Variants in PLPPR5 observed in about 807,000 individuals in gnomAD.
PLPPR5 encodes the protein phospholipid phosphatase-related protein type 5.
PLPPR5 carries 16 observed loss-of-function variants against 33.9 expected under a neutral mutation model. The ratio of observed to expected loss-of-function variants is 0.47; its 90% CI spans 0.32 to 0.72. PLPPR5 has a LOEUF of 0.72. PLPPR5 is among the 30% of genes least tolerant of loss of function. PLPPR5 has a pLI of 0.03. For synonymous variants in PLPPR5, 163 were observed against 150.3 expected, an observed-to-expected ratio of 1.08 and a Z score of -0.62; for missense variants, 301 against 406.7, an observed-to-expected ratio of 0.74 and a Z score of 2.23.
chr1:98,996,903 C>G (rs764107579), intron 1 of PLPPR5, among the ~76,000 whole-genome samples: 1 of 152,056 alleles, frequency 6.6e-6, no homozygotes, highest in Non-Finnish European at 1.5e-5. Context: ...ATCATTTATG[C>G]TATAAATCAA....
In PLPPR5 at chr1:98,892,149, G is replaced by A. The variant is rs765184858; in HGVS notation, c.*923C>T. 1.3e-5 allele frequency: 2 copies of A among 151,994 alleles called. No individual in the cohort carries two copies. Among genetic ancestry groups the A allele is most frequent in the Non-Finnish European group, 1.5e-5 (1 of 67,978 alleles). 9.4% of individuals were successfully genotyped at this position (151,994 alleles called of 1,614,324 possible). ...CTAGCATTTATATAATTTAAATTATGTGTCAGGGTATAGTTCTTTCCCATT... is the reference window on the plus strand; with the variant it reads ...CTAGCATTTATATAATTTAAATTATATGTCAGGGTATAGTTCTTTCCCATT... On this transcript the variant is annotated 3_prime_UTR_variant, in exon 6 of 6. Transcript: ENST00000263177.
At chr1:98,922,789 T>C (rs1570700381) in intron 3 of PLPPR5, among the ~76,000 whole-genome samples, 1 of 151,968 alleles carries the variant, frequency 6.6e-6, no homozygotes, top group Non-Finnish European at 1.5e-5. Flanking sequence ...ATCGAGACCA[T>C]CCTGGCTAAC....
At chr1:98,987,889 T>C (rs1652313928) in intron 1 of PLPPR5, among the ~76,000 whole-genome samples, 1 of 152,044 alleles carries the variant, frequency 6.6e-6, no homozygotes, top group African/African-American at 2.4e-5. Context: ...CTACCGAAAA[T>C]TTATAGCAAT....
At chr1:98,929,749 C>T (rs1001045014) in intron 3 of PLPPR5, among the ~76,000 whole-genome samples, 2 of 152,150 alleles carry the variant, frequency 1.3e-5, no homozygotes, top group Admixed American at 1.3e-4. Context: ...CAGTATGACT[C>T]CCCCCTGACC....
intron 3 of PLPPR5, among the ~76,000 whole-genome samples, chr1:98,946,261 A>G (rs1391525261): frequency 6.6e-6 from 1 of 152,170 alleles, no homozygotes; most frequent in East Asian, 1.9e-4. Context: ...AGTTTATAAC[A>G]GTATGTAGAG....
At chr1:98,969,208 G>A (rs886432181) in intron 1 of PLPPR5, among the ~76,000 whole-genome samples, 2 of 151,942 alleles carry the variant, frequency 1.3e-5, no homozygotes, top group Non-Finnish European at 2.9e-5. Flanking sequence ...TTCCTTTCTA[G>A]AGGACAGAAA....
At chr1:98,936,337 G>A (rs1029749660) in intron 3 of PLPPR5, among the ~76,000 whole-genome samples, 10 of 152,166 alleles carry the variant, frequency 6.6e-5, no homozygotes, top group African/African-American at 2.4e-4. Flanking sequence ...ATTCTGAAGT[G>A]GGCTGCTGAA....
At chr1:98,941,995 TATATATATATATACACATATACGTATAC>T (rs1557677720) in intron 3 of PLPPR5, among the ~76,000 whole-genome samples, 3 of 145,928 alleles carry the variant, frequency 2.1e-5, no homozygotes, top group Non-Finnish European at 3.1e-5. Context: ...TATACGTATA[TATATATATATATACACATATACGTATAC>T]ATATATATAT....
intron 1 of PLPPR5, among the ~76,000 whole-genome samples, chr1:98,977,638 T>C (rs1009589816): frequency 6.6e-6 from 1 of 151,216 alleles, no homozygotes; most frequent in Non-Finnish European, 1.5e-5. Flanking sequence ...TGTGAATGTA[T>C]TGAACCTTAT....
In PLPPR5 at chr1:98,928,573, G is replaced by T. The variant is rs1444442311; in HGVS notation, c.622-6515C>A. 2.8e-4 allele frequency among the ~76,000 whole-genome samples: 12 copies of T among 42,486 alleles called. 1 individual carries two copies. Among genetic ancestry groups the T allele is most frequent in the East Asian group, 1.4e-3 (1 of 690 alleles). The allele number at this position is 42,486 out of a possible 152,430, so 27.9% of individuals were successfully genotyped here. A position where few individuals can be genotyped will look rare whatever the true frequency, so the allele number is the denominator to read the frequency against. The stretch of plus-strand genomic sequence containing the variant: ...CATATATATATATATATATATATAT[G>T]GTTCACTTTCTATTTCTATTGAACA... On this transcript the variant is annotated intron_variant, in intron 3 of 5. Transcript: ENST00000263177.
chr1:98,956,799 T>C, intron 1 of PLPPR5, 58 bp from the exon 2 acceptor site: 1 of 1,319,428 alleles, frequency 7.6e-7, no homozygotes, highest in Non-Finnish European at 1.0e-6. Context: ...AAATGTAAAA[T>C]ATTTTTATTT....
intron 1 of PLPPR5, among the ~76,000 whole-genome samples, chr1:98,969,290 CA>C (rs1570743191): frequency 6.6e-6 from 1 of 151,934 alleles, no homozygotes; most frequent in East Asian, 1.9e-4. Flanking sequence ...CTTCAGAAGG[CA>C]AAAGTAAAGC....
At chr1:98,972,403 A>G (rs1418097398) in intron 1 of PLPPR5, among the ~76,000 whole-genome samples, 2 of 152,108 alleles carry the variant, frequency 1.3e-5, no homozygotes, top group Non-Finnish European at 2.9e-5. Flanking sequence ...TTAAAATCTC[A>G]ATCAAGTTTT....
At chr1:98,894,990 T>C (rs938107641) in intron 5 of PLPPR5, among the ~76,000 whole-genome samples, 2 of 152,006 alleles carry the variant, frequency 1.3e-5, no homozygotes, top group Admixed American at 6.6e-5. Flanking sequence ...TATGGACATG[T>C]GGAAGGGGGA....
chr1:98,949,455 C>T (rs543090590), intron 3 of PLPPR5, among the ~76,000 whole-genome samples: 152 of 152,256 alleles, frequency 1.0e-3, no homozygotes, highest in African/African-American at 3.5e-3. Context: ...TACTCCATAA[C>T]AGGGCTCATT....
chr1:98,972,109 G>A (rs1381127414), intron 1 of PLPPR5, among the ~76,000 whole-genome samples: 2 of 151,988 alleles, frequency 1.3e-5, no homozygotes, highest in Non-Finnish European at 2.9e-5. Context: ...ATTCATAAAG[G>A]GTGTGAGAGG....
intron 1 of PLPPR5, among the ~76,000 whole-genome samples, chr1:98,998,300 C>T (rs1030295808): frequency 1.3e-5 from 2 of 152,118 alleles, no homozygotes; most frequent in East Asian, 1.9e-4. Flanking sequence ...CCATATACCA[C>T]GGTTTGCAGA....
At chr1:98,910,809 G>A (rs1426242255) in intron 5 of PLPPR5, among the ~76,000 whole-genome samples, 2 of 151,500 alleles carry the variant, frequency 1.3e-5, no homozygotes, top group Non-Finnish European at 2.9e-5. Context: ...GGAGGTGGGA[G>A]GAAAACAGGG....
intron 5 of PLPPR5, among the ~76,000 whole-genome samples, chr1:98,910,240 CT>C (rs1220859951): frequency 3.3e-5 from 5 of 152,172 alleles, no homozygotes; most frequent in African/African-American, 1.2e-4. Context: ...GACTCCCTTA[CT>C]TTTTTCAGAG....
Sources: allele counts gnomAD v4.1 joint callset (sites outside exome capture counted in the v4.1 genomes callset), GRCh38; gene constraint gnomAD v4.1.1; transcripts MANE v1.5; gene names NCBI Gene and HGNC (gene_info 2026-07-23, HGNC 2026-07-21).